TBC1D5: variants seen among roughly 807,000 people sequenced by gnomAD.
The protein encoded by TBC1D5 is TBC1 domain family, member 5.
A neutral mutation model predicts 100.3 loss-of-function variants in TBC1D5; 75 were observed. That is an observed-to-expected ratio of 0.75 (90% CI 0.62 to 0.91). TBC1D5 has a LOEUF of 0.91. Ranked by LOEUF, TBC1D5 falls within the 40% of genes least tolerant of loss-of-function variation. TBC1D5 has a pLI of 0.00. For missense variants in TBC1D5, 910 were observed against 942.4 expected (o/e 0.97, Z 0.45); for synonymous variants, 323 against 325.6 (o/e 0.99, Z 0.09).
chr3:17,515,362 T>C (rs2095971293), intron 2 of TBC1D5, among the ~76,000 whole-genome samples: 1 of 152,208 alleles, frequency 6.6e-6, no homozygotes, highest in Non-Finnish European at 1.5e-5. Context: ...GACGTTTTAG[T>C]ACTTCCTTTA....
At chr3:17,224,669 T>C (rs892282256) in intron 17 of TBC1D5, among the ~76,000 whole-genome samples, 2 of 152,220 alleles carry the variant, frequency 1.3e-5, no homozygotes, top group African/African-American at 4.8e-5. Context: ...GGTAATGATA[T>C]GTCTGGGAGA....
Position 17,612,420 on chromosome 3 carries a change from G to A in TBC1D5, c.-36+11429C>T, listed in dbSNP as rs564817790. ...AGGCAAGTGGATCACCGGAGGTCAG[G>A]AGTTCGAGACCAGCCTGGCCAACAA... On this transcript the variant is annotated intron_variant, in intron 2 of 21. Transcript: ENST00000253692. 1.1e-3 allele frequency among the ~76,000 whole-genome samples: 160 copies of A among 152,124 alleles called. 1 individual carries two copies. Among genetic ancestry groups the A allele is most frequent in the African/African-American group, 3.7e-3 (154 of 41,488 alleles).
chr3:17,350,414 G>A (rs1169879495), intron 13 of TBC1D5, among the ~76,000 whole-genome samples: 3 of 152,128 alleles, frequency 2.0e-5, no homozygotes, highest in East Asian at 1.9e-4. Context: ...GCTTGAGCCA[G>A]AGTCAAAGAG....
intron 18 of TBC1D5, among the ~76,000 whole-genome samples, chr3:17,188,379 GT>G (rs1477705424): frequency 1.3e-5 from 2 of 152,140 alleles, no homozygotes; most frequent in Non-Finnish European, 2.9e-5. Context: ...AACAGAATCT[GT>G]TTGTCTCAAT....
chr3:17,633,943 G>C (rs1313721434), intron 1 of TBC1D5, among the ~76,000 whole-genome samples: 1 of 151,980 alleles, frequency 6.6e-6, no homozygotes, highest in Non-Finnish European at 1.5e-5. Context: ...TAATATTTTA[G>C]TCAAAATATG....
intron 1 of TBC1D5, among the ~76,000 whole-genome samples, chr3:17,703,748 A>G (rs558837004): frequency 1.3e-5 from 2 of 152,298 alleles, no homozygotes; most frequent in Admixed American, 6.5e-5. Context: ...CCTCATACAT[A>G]TGAGAGTCTG....
chr3:17,695,933 G>T (rs1230763925), intron 1 of TBC1D5, among the ~76,000 whole-genome samples: 1 of 152,106 alleles, frequency 6.6e-6, no homozygotes, highest in African/African-American at 2.4e-5. Context: ...TACAACTCAG[G>T]ATTAAGAGAG....
chr3:17,655,936 C>G (rs1402814743), intron 1 of TBC1D5, among the ~76,000 whole-genome samples: 2 of 152,132 alleles, frequency 1.3e-5, no homozygotes, highest in Non-Finnish European at 2.9e-5. Context: ...CTTTCAGCCC[C>G]CAGAAAAGAA....
At chr3:17,702,382 T>C (rs2073338964) in intron 1 of TBC1D5, 1 of 152,070 alleles carries the variant, frequency 6.6e-6, no homozygotes, top group Non-Finnish European at 1.5e-5. Context: ...TTTTCAAATA[T>C]TTAACAGATA....
At chr3:17,506,948 A>G (rs1042122965) in intron 3 of TBC1D5, among the ~76,000 whole-genome samples, 1 of 152,146 alleles carries the variant, frequency 6.6e-6, no homozygotes, top group Non-Finnish European at 1.5e-5. Flanking sequence ...CCCGGGAGGC[A>G]CAGCTTGCAG....
In TBC1D5 at chr3:17,557,860, C is replaced by T. The variant is rs536702716; in HGVS notation, c.-35-49255G>A. Among the ~76,000 whole-genome samples the T allele has an allele frequency of 3.0e-4, 45 of 152,182 alleles. 1 individual carries two copies. The South Asian group carries it at 9.3e-3, about 32-fold the overall frequency. The stretch of plus-strand genomic sequence containing the variant: ...CAGGATACAGACACAAAGAAAGACA[C>T]AGCTACACACCAGAACAAAACAGGG... On this transcript the variant is annotated intron_variant, in intron 2 of 21. Transcript: ENST00000253692.
rs145957350 is a variant in TBC1D5 at position 17,441,984 on chromosome 3, C to CA, written c.98-13466dup. On this transcript the variant is annotated intron_variant, in intron 3 of 21. Transcript: ENST00000253692. Reference sequence around the variant, plus strand: ...ACAATTTAGTACTCTGGGCAAAATACAAAAAAACAAAAACAAAAACCACTT... The same window carrying CA: ...ACAATTTAGTACTCTGGGCAAAATACAAAAAAAACAAAAACAAAAACCACTT... 1.8e-3 allele frequency among the ~76,000 whole-genome samples: 277 copies of CA among 151,446 alleles called. 1 individual carries two copies. The highest frequency in any genetic ancestry group is 6.8e-3 in the Middle Eastern group (2 of 294).
chr3:17,736,730 G>A (rs1392933259), intron 1 of TBC1D5, among the ~76,000 whole-genome samples: 1 of 152,208 alleles, frequency 6.6e-6, no homozygotes, highest in Non-Finnish European at 1.5e-5. Context: ...ACTTCCTGGA[G>A]GCCTGGTGCA....
chr3:17,478,100 C>T (rs2095459657), intron 3 of TBC1D5, among the ~76,000 whole-genome samples: 2 of 151,992 alleles, frequency 1.3e-5, no homozygotes, highest in African/African-American at 2.4e-5. Context: ...CTGGAAAATC[C>T]AGAAATTTAG....
intron 1 of TBC1D5, among the ~76,000 whole-genome samples, chr3:17,700,718 C>T (rs545157156): frequency 1.3e-5 from 2 of 152,262 alleles, no homozygotes; most frequent in East Asian, 3.9e-4. Flanking sequence ...GGCCAACAGA[C>T]ACGTGAAAAA....
At chr3:17,662,757 G>C (rs1429483740) in intron 1 of TBC1D5, among the ~76,000 whole-genome samples, 3 of 152,090 alleles carry the variant, frequency 2.0e-5, no homozygotes, top group Non-Finnish European at 2.9e-5. Flanking sequence ...TTCTCAAATT[G>C]TAACACCCCT....
chr3:17,297,943 G>A lies in TBC1D5; in HGVS notation c.1139-5942C>T, dbSNP rs139494108. Among the ~76,000 whole-genome samples, 8 of 152,164 alleles carry A rather than the reference G, an allele frequency of 5.3e-5. No homozygotes were observed. In the South Asian group the frequency reaches 6.2e-4, roughly 12 times the overall value. On this transcript the variant is annotated intron_variant, in intron 14 of 21. Transcript: ENST00000253692. Reference sequence around the variant, plus strand: ...GTGAACACTATTGTAGTAATTAAAGGTAAGTACTCAGAATCAAAGCCCAAG... The same window carrying A: ...GTGAACACTATTGTAGTAATTAAAGATAAGTACTCAGAATCAAAGCCCAAG...
At chr3:17,539,326 C>T (rs2096323732) in intron 2 of TBC1D5, among the ~76,000 whole-genome samples, 1 of 152,132 alleles carries the variant, frequency 6.6e-6, no homozygotes, top group Non-Finnish European at 1.5e-5. Context: ...GTAAATGTTT[C>T]TTATGAGACT....
At chr3:17,260,630 G>C (rs1461673887) in intron 15 of TBC1D5, among the ~76,000 whole-genome samples, 1 of 152,190 alleles carries the variant, frequency 6.6e-6, no homozygotes, top group African/African-American at 2.4e-5. Context: ...GGTTATGGTT[G>C]AAAGTTATTC....
Sources: allele counts gnomAD v4.1 joint callset (sites outside exome capture counted in the v4.1 genomes callset), GRCh38; gene constraint gnomAD v4.1.1; transcripts MANE v1.5; gene names NCBI Gene and HGNC (gene_info 2026-07-23, HGNC 2026-07-21).